Variants in CELF2 observed in about 807,000 individuals in gnomAD.
CELF2 encodes CUGBP Elav-like family member 2.
A neutral mutation model predicts 62.6 loss-of-function variants in CELF2; 8 were observed. The observed-to-expected ratio is 0.13, with a 90% CI of 0.07 to 0.23. The LOEUF (loss-of-function observed/expected upper bound fraction) is 0.23, where lower values mean the gene tolerates loss of function less well. CELF2 is among the 10% of genes least tolerant of loss of function. The probability of loss-of-function intolerance (pLI) is 1.00; values close to 1 mark genes in which losing one functional copy is unlikely to be tolerated. For missense variants in CELF2, 333 were observed against 671.0 expected, an observed-to-expected ratio of 0.50 and a Z score of 5.56; for synonymous variants, 258 against 250.0, an observed-to-expected ratio of 1.03 and a Z score of -0.30.
chr10:11,122,816 T>C (rs1425064650), intron 1 of CELF2, among the ~76,000 whole-genome samples: 1 of 152,178 alleles, frequency 6.6e-6, no homozygotes, highest in Non-Finnish European at 1.5e-5. Flanking sequence ...ACCTAGGAAA[T>C]TATTTTCAAG....
chr10:11,073,992 A>G (rs1303712978), intron 1 of CELF2, among the ~76,000 whole-genome samples: 1 of 152,206 alleles, frequency 6.6e-6, no homozygotes, highest in East Asian at 1.9e-4. Context: ...ACCTTAGATA[A>G]GTGATTTCTA....
chr10:10,794,370 A>C (rs1177047833), upstream of CELF2, among the ~76,000 whole-genome samples: 1 of 152,224 alleles, frequency 6.6e-6, no homozygotes, highest in Non-Finnish European at 1.5e-5. Flanking sequence ...AAAAACTAGG[A>C]TAACCAGAAA....
At chr10:10,744,030 A>T in the CELF2 span, among the ~76,000 whole-genome samples, 1 of 152,028 alleles carries the variant, frequency 6.6e-6, no homozygotes, top group Non-Finnish European at 1.5e-5. Flanking sequence ...TTAAATATTG[A>T]ATTGTTTTTG....
the CELF2 span, among the ~76,000 whole-genome samples, chr10:10,718,350 G>T: frequency 5.9e-5 from 9 of 152,016 alleles, no homozygotes. Flanking sequence ...TTGGCCAGGC[G>T]CGGTGGCTCA....
chr10:10,886,962 G>A (rs567310783), intron 1 of CELF2, among the ~76,000 whole-genome samples: 2 of 152,284 alleles, frequency 1.3e-5, no homozygotes, highest in South Asian at 2.1e-4. Flanking sequence ...TGGGGTGTGG[G>A]GTGGGAGAGG....
chr10:10,554,409 G>A, the CELF2 span, among the ~76,000 whole-genome samples: 5 of 152,126 alleles, frequency 3.3e-5, no homozygotes, highest in Non-Finnish European at 5.9e-5. Context: ...GTTCTTTAAT[G>A]ACAGAGGTTG....
intron 8 of CELF2, among the ~76,000 whole-genome samples, 189 bp downstream of exon 8, chr10:11,275,309 A>C (rs2085614506): frequency 6.6e-6 from 1 of 152,164 alleles, no homozygotes; most frequent in African/African-American, 2.4e-5. Flanking sequence ...TAGGTTACCT[A>C]CCCACCTTCG....
chr10:10,834,678 A>G (rs1177077772), intron 1 of CELF2, among the ~76,000 whole-genome samples: 1 of 152,222 alleles, frequency 6.6e-6, no homozygotes, highest in Non-Finnish European at 1.5e-5. Context: ...CCTGACCCCA[A>G]AAGCCTTTCC....
At chr10:10,826,431 A>G (rs2057394065) in intron 1 of CELF2, among the ~76,000 whole-genome samples, 1 of 152,352 alleles carries the variant, frequency 6.6e-6, no homozygotes, top group Middle Eastern at 3.4e-3. Context: ...ATCCAGTTAA[A>G]TTTGAATTTC....
At chr10:10,728,627 G>T in the CELF2 span, among the ~76,000 whole-genome samples, 1 of 151,982 alleles carries the variant, frequency 6.6e-6, no homozygotes, top group African/African-American at 2.4e-5. Context: ...AGAGGGTGGG[G>T]GACAGCAGGA....
At chr10:10,915,677 C>T (rs1266709241) in intron 1 of CELF2, among the ~76,000 whole-genome samples, 1 of 152,220 alleles carries the variant, frequency 6.6e-6, no homozygotes, top group East Asian at 1.9e-4. Flanking sequence ...TCAAGCGATC[C>T]TCCTACCTCA....
intron 2 of CELF2, among the ~76,000 whole-genome samples, chr10:11,166,014 C>A (rs902098966): frequency 2.6e-5 from 4 of 152,240 alleles, no homozygotes; most frequent in Non-Finnish European, 5.9e-5. Context: ...TCCGAGGAAT[C>A]GCGTTTCCCA....
chr10:11,122,437 A>G (rs769860367), intron 1 of CELF2, among the ~76,000 whole-genome samples: 2 of 152,358 alleles, frequency 1.3e-5, no homozygotes, highest in Non-Finnish European at 2.9e-5. Context: ...GAAATTGTCA[A>G]AGTTAAAAAA....
At chr10:10,859,481 C>T (rs943168543) in intron 1 of CELF2, among the ~76,000 whole-genome samples, 2 of 152,032 alleles carry the variant, frequency 1.3e-5, no homozygotes, top group African/African-American at 2.4e-5. Context: ...CACAGTATGA[C>T]CCTGTTAACT....
chr10:11,004,207 A>G (rs969437402), upstream of CELF2, among the ~76,000 whole-genome samples: 29 of 152,130 alleles, frequency 1.9e-4, no homozygotes, highest in African/African-American at 7.0e-4. The surrounding 1 kb of genome is among the most constrained non-coding windows in gnomAD (Gnocchi z 5.0). Context: ...CTTTGAGTCC[A>G]GGTTATACTG....
chr10:10,662,047 G>C, the CELF2 span, among the ~76,000 whole-genome samples: 1 of 151,984 alleles, frequency 6.6e-6, no homozygotes, highest in Non-Finnish European at 1.5e-5. Flanking sequence ...GGGGGGTGGA[G>C]GTCAAGGGAA....
chr10:11,328,249 A>T lies in CELF2; in HGVS notation c.1439-677A>T, dbSNP rs2095857371. Among the ~76,000 whole-genome samples, 1 of 152,230 alleles carries T rather than the reference A, an allele frequency of 6.6e-6. No homozygotes were observed. On this transcript the variant is annotated intron_variant, in intron 12 of 12. Transcript: ENST00000633077. This position sits in a 1 kb window ranked among gnomAD's most constrained non-coding sequence, Gnocchi z 6.4. The stretch of plus-strand genomic sequence containing the variant: ...GAATTTACTGGAGCTTTGGAAATGG[A>T]AAGTGAGATAAGGAGAAAGGCCCAG...
chr10:11,118,071 A>AT (rs897674105), intron 1 of CELF2, among the ~76,000 whole-genome samples: 19 of 133,792 alleles, frequency 1.4e-4, no homozygotes, highest in East Asian at 4.6e-4. Flanking sequence ...ATTAAAAGCT[A>AT]TTTTTTTTTT....
chr10:11,295,352 A>G (rs1294068581), intron 9 of CELF2, among the ~76,000 whole-genome samples: 1 of 152,254 alleles, frequency 6.6e-6, no homozygotes, highest in Non-Finnish European at 1.5e-5. Context: ...TTTTAAGAAA[A>G]GCGTCATTTT....
Sources: gnomAD v4.1 joint callset for allele counts (sites outside exome capture counted in the v4.1 genomes callset) on GRCh38, gnomAD v4.1.1 for gene constraint, Gnocchi (gnomAD v3.1) non-coding constraint, MANE v1.5 for transcripts, NCBI Gene and HGNC (gene_info 2026-07-23, HGNC 2026-07-21) for gene names.